ZC3H3: variants seen among roughly 807,000 people sequenced by gnomAD.
ZC3H3 encodes zinc finger CCCH-type containing 3.
A neutral mutation model predicts 77.3 loss-of-function variants in ZC3H3; 36 were observed. The observed-to-expected ratio is 0.47, with a 90% CI of 0.36 to 0.61. The LOEUF is 0.61. Among genes scored for constraint, ZC3H3 ranks in the 20% least tolerant of loss-of-function variants. The pLI, the probability that ZC3H3 is intolerant of heterozygous loss-of-function variation, is 0.00. For missense variants in ZC3H3, 1,331 were observed against 1,312.2 expected (o/e 1.01, Z -0.22); for synonymous variants, 626 against 555.2 (o/e 1.13, Z -1.79).
rs1447046304 is a variant in ZC3H3 at position 143,520,948 on chromosome 8, CAG to C, written c.1562-13051_1562-13050del. Reference sequence around the variant, plus strand: ...TGGCTGGGTTTCTGGCCCGTATACCCAGAGAGGGGATCAGGCTTCATAGCAGC... The same window carrying C: ...TGGCTGGGTTTCTGGCCCGTATACCCAGAGGGGATCAGGCTTCATAGCAGC... On this transcript the variant is annotated intron_variant, in intron 3 of 11. Coordinates refer to ENST00000262577, the MANE Select transcript of ZC3H3 (RefSeq NM_015117.3). 7.9e-5 allele frequency among the ~76,000 whole-genome samples: 12 copies of C among 152,232 alleles called. 1 individual carries two copies. The highest frequency in any genetic ancestry group is 1.3e-4 in the Admixed American group (2 of 15,288).
intron 3 of ZC3H3, among the ~76,000 whole-genome samples, chr8:143,535,439 T>C (rs1352166349): frequency 6.6e-6 from 1 of 152,094 alleles, no homozygotes; most frequent in Non-Finnish European, 1.5e-5. Flanking sequence ...AGACACGAGC[T>C]CGGGAAGTCA....
At chr8:143,446,651 C>T (rs573097167) in intron 9 of ZC3H3, among the ~76,000 whole-genome samples, 4 of 152,378 alleles carry the variant, frequency 2.6e-5, no homozygotes, top group African/African-American at 9.6e-5. Flanking sequence ...TTTAATCCTT[C>T]TAATGGTCAA....
intron 3 of ZC3H3, among the ~76,000 whole-genome samples, chr8:143,508,980 T>C (rs1428045828): frequency 6.6e-6 from 1 of 152,116 alleles, no homozygotes; most frequent in Non-Finnish European, 1.5e-5. Context: ...CCAGGGCCCC[T>C]CCTTGAGGCC....
intron 3 of ZC3H3, among the ~76,000 whole-genome samples, chr8:143,520,453 C>A (rs1285215367): frequency 6.6e-6 from 1 of 152,214 alleles, no homozygotes; most frequent in Non-Finnish European, 1.5e-5. Context: ...CCCACACAGC[C>A]CTGGTGCTGC....
rs368334447 is a variant in ZC3H3 at position 143,487,052 on chromosome 8, G to C, written c.1716-11467C>G. ...CACGACCCCACCACCACGAAGCTCAGACACAGAACAGCACCCGCTACACGG... is the reference window on the plus strand; with the variant it reads ...CACGACCCCACCACCACGAAGCTCACACACAGAACAGCACCCGCTACACGG... On this transcript the variant is annotated intron_variant, in intron 4 of 11. Coordinates refer to ENST00000262577, the MANE Select transcript of ZC3H3 (RefSeq NM_015117.3). Among the ~76,000 whole-genome samples the C allele has an allele frequency of 8.2e-3, 50 of 6,092 alleles. 3 individuals carry two copies. Among genetic ancestry groups the C allele is most frequent in the Admixed American group, 0.016 (9 of 556 alleles). 4.0% of individuals were successfully genotyped at this position (6,092 alleles called of 152,430 possible). A position where few individuals can be genotyped will look rare whatever the true frequency, so the allele number is the denominator to read the frequency against.
rs1413220900 is a variant in ZC3H3, at chr8:143,475,581, G to A, written c.1720C>T (p.Leu574=). 2.5e-6 allele frequency: 4 copies of A among 1,593,136 alleles called. No individual in the cohort carries two copies. The highest frequency in any genetic ancestry group is 2.3e-5 in the East Asian group (1 of 44,286). The stretch of plus-strand genomic sequence containing the variant: ...ACTGGACGCAGGCGGTTCAGCACCA[G>A]GGACCTGCAGAGACAGGAAATGCCC... ...RARRLSLSRS[L]VLNRLRPVAS... The change falls in exon 5 of 12, where the codon CTG becomes TTG. Residue 574 remains leucine, a synonymous_variant. Transcript: ENST00000262577.
At chr8:143,469,578 C>T (rs1022155687) in intron 5 of ZC3H3, among the ~76,000 whole-genome samples, 5 of 151,990 alleles carry the variant, frequency 3.3e-5, no homozygotes, top group African/African-American at 4.8e-5. Context: ...CCGCACACCA[C>T]GGCCTGGGAG....
At chr8:143,479,800 G>T (rs140765981) in intron 4 of ZC3H3, among the ~76,000 whole-genome samples, 1 of 152,134 alleles carries the variant, frequency 6.6e-6, no homozygotes, top group African/African-American at 2.4e-5. Flanking sequence ...CTCCTCCCTG[G>T]GGGGGGACAA....
intron 5 of ZC3H3, among the ~76,000 whole-genome samples, chr8:143,475,048 C>T (rs1441233051): frequency 1.3e-5 from 2 of 152,250 alleles, no homozygotes; most frequent in South Asian, 2.1e-4. Context: ...CTCAGCCACG[C>T]GAGGTGGGCG....
At chr8:143,438,303 C>T (rs991712147) in intron 11 of ZC3H3, among the ~76,000 whole-genome samples, 10 of 152,144 alleles carry the variant, frequency 6.6e-5, no homozygotes. Context: ...TCCTGGTGAG[C>T]CTCTGTGGCT....
chr8:143,531,001 C>G (rs919227557), intron 3 of ZC3H3, among the ~76,000 whole-genome samples: 2 of 149,802 alleles, frequency 1.3e-5, no homozygotes, highest in Admixed American at 6.6e-5. Flanking sequence ...ATTCTGTCAC[C>G]CAGGTTGCAG....
At chr8:143,498,708 G>A (rs1347589706) in intron 4 of ZC3H3, among the ~76,000 whole-genome samples, 1 of 150,622 alleles carries the variant, frequency 6.6e-6, no homozygotes. Context: ...CGGGGGCAGA[G>A]GGGTACAGGG....
In ZC3H3 at chr8:143,538,610, C is replaced by T; in HGVS notation, c.757G>A (p.Ala253Thr). 6.2e-7 allele frequency: 1 copy of T among 1,609,614 alleles called. No individual in the cohort carries two copies. Among genetic ancestry groups the T allele is most frequent in the Non-Finnish European group, 8.5e-7 (1 of 1,179,992 alleles). Residue 253 changes from alanine to threonine, a missense_variant, in exon 2 of 12, where the codon GCC becomes ACC. Physicochemically the swap from Ala to Thr is moderately conservative, Grantham distance 58. Coordinates refer to ENST00000262577, the MANE Select transcript of ZC3H3 (RefSeq NM_015117.3). ...CCAAGGAGCTGTGGAGCACAGCTGG[C>T]CACGGAATGAGAACCCAGCTTCCGG... ...LGRKLGSHSV[A>T]SCAPQLLGDR...
At chr8:143,537,806 C>T (rs893944202) in intron 2 of ZC3H3, among the ~76,000 whole-genome samples, 197 bp downstream of exon 2, 2 of 152,076 alleles carry the variant, frequency 1.3e-5, no homozygotes, top group Non-Finnish European at 2.9e-5. Flanking sequence ...GGAAACCTGT[C>T]CCCTAAGTTT....
chr8:143,516,449 GC>G (rs1822046308), intron 3 of ZC3H3, among the ~76,000 whole-genome samples: 1 of 151,624 alleles, frequency 6.6e-6, no homozygotes, highest in African/African-American at 2.4e-5. Context: ...CCCCCATTAG[GC>G]CCTCCCTGCC....
At chr8:143,499,320 C>T (rs2130394470) in intron 4 of ZC3H3, among the ~76,000 whole-genome samples, 1 of 152,210 alleles carries the variant, frequency 6.6e-6, no homozygotes, top group East Asian at 1.9e-4. Flanking sequence ...CACCCAGGGC[C>T]AGAGCATGGT....
intron 5 of ZC3H3, among the ~76,000 whole-genome samples, chr8:143,473,709 G>A (rs998252305): frequency 6.6e-6 from 1 of 152,220 alleles, no homozygotes; most frequent in Non-Finnish European, 1.5e-5. Context: ...GAGCAGAGAG[G>A]CACCTCATGG....
chr8:143,444,228 C>A (rs1170454453), intron 9 of ZC3H3, among the ~76,000 whole-genome samples: 3 of 152,134 alleles, frequency 2.0e-5, no homozygotes, highest in Non-Finnish European at 4.4e-5. Context: ...CCCACCTCAG[C>A]CTCCCAAAGT....
chr8:143,499,612 T>C (rs1198526747), intron 4 of ZC3H3, among the ~76,000 whole-genome samples: 1 of 151,878 alleles, frequency 6.6e-6, no homozygotes, highest in Non-Finnish European at 1.5e-5. Context: ...TTTCACAGCA[T>C]TCAGGGCCGC....
Sources: gnomAD v4.1 joint callset for allele counts (sites outside exome capture counted in the v4.1 genomes callset) on GRCh38, gnomAD v4.1.1 for gene constraint, MANE v1.5 for transcripts, NCBI Gene and HGNC (gene_info 2026-07-23, HGNC 2026-07-21) for gene names.